Variants in NF1 observed in about 807,000 individuals in gnomAD.
The protein encoded by NF1 is neurofibromin.
In NF1, 122 loss-of-function variants were observed where a neutral mutation model predicts 325.7. The observed-to-expected ratio is 0.37, with a 90% CI of 0.32 to 0.44. The LOEUF is 0.44. Among genes scored for constraint, NF1 ranks in the 20% least tolerant of loss-of-function variants. NF1 has a pLI of 1.00. For synonymous variants in NF1, 1,091 were observed against 1,186.0 expected (o/e 0.92, Z 1.65); for missense variants, 2,140 against 3,415.4 (o/e 0.63, Z 9.31).
chr17:31,334,613 C>T (rs756866595), intron 39 of NF1: 1 of 506,650 alleles, frequency 2.0e-6, no homozygotes, highest in Non-Finnish European at 3.5e-6. Flanking sequence ...GAAAATAAGA[C>T]AAAACTTTTC....
intron 1 of NF1, among the ~76,000 whole-genome samples, chr17:31,144,141 A>G (rs933307629): frequency 2.6e-5 from 4 of 152,054 alleles, no homozygotes; most frequent in African/African-American, 9.7e-5. Context: ...GTTTTTCAAA[A>G]ATTTCTTTGG....
At chr17:31,200,335 G>A in intron 8 of NF1, 87 bp from the exon 9 acceptor site, 1 of 1,241,586 alleles carries the variant, frequency 8.1e-7, no homozygotes, top group Non-Finnish European at 1.2e-6. Context: ...ATGAGTTTTA[G>A]AGGCTGTTAA....
At chr17:31,295,746 G>C (rs1321946682) in intron 36 of NF1, 2 of 1,614,168 alleles carry the variant, frequency 1.2e-6, no homozygotes, top group Non-Finnish European at 1.7e-6. Context: ...TGCAGGTAAA[G>C]ATGTGTGAGA....
At chr17:31,277,820 A>G in intron 36 of NF1, among the ~76,000 whole-genome samples, 2 of 152,146 alleles carry the variant, frequency 1.3e-5, no homozygotes, top group East Asian at 3.8e-4. Flanking sequence ...TGCACTCACT[A>G]CTTCAGGTGT....
At chr17:31,186,921 A>G (rs1036760412) in intron 8 of NF1, among the ~76,000 whole-genome samples, 1 of 152,208 alleles carries the variant, frequency 6.6e-6, no homozygotes, top group South Asian at 2.1e-4. Flanking sequence ...TTGATATGAC[A>G]TCATTCCTCA....
Position 31,336,003 on chromosome 17 carries a change from A to T in NF1, c.6007-330A>T, listed in dbSNP as rs1597841857. 6.6e-6 allele frequency among the ~76,000 whole-genome samples: 1 copy of T among 151,936 alleles called. No individual in the cohort carries two copies. Reference sequence around the variant, plus strand: ...CACTGCACCCAGCTCTGTATTTTCAAATTACTATTTTATATTGATGCTACA... The same window carrying T: ...CACTGCACCCAGCTCTGTATTTTCATATTACTATTTTATATTGATGCTACA... On this transcript the variant is annotated intron_variant, in intron 40 of 57. Coordinates refer to ENST00000358273, the MANE Select transcript of NF1 (RefSeq NM_001042492.3). The surrounding 1 kb of genome is among the most constrained non-coding windows in gnomAD (Gnocchi z 5.5).
In NF1 at chr17:31,336,942, T is replaced by C; in HGVS notation, c.6427+28T>C. 2 of 1,600,114 alleles carry C rather than the reference T, an allele frequency of 1.2e-6. No individual in the cohort carries two copies. The highest frequency in any genetic ancestry group is 2.2e-5 in the South Asian group (2 of 90,694). On this transcript the variant is annotated intron_variant, in intron 42 of 57. Transcript: ENST00000358273. The surrounding 1 kb of genome is among the most constrained non-coding windows in gnomAD (Gnocchi z 5.5). ...AAGTTCTAGGAAAGGAATTTGTGTT[T>C]ACCAGTTCCTTTCTCCATTTTACTT... is the stretch of plus-strand genomic sequence containing the variant.
At chr17:31,109,753 A>G (rs938832498) in intron 1 of NF1, among the ~76,000 whole-genome samples, 2 of 152,100 alleles carry the variant, frequency 1.3e-5, no homozygotes, top group Non-Finnish European at 2.9e-5. Context: ...TTAATGACCT[A>G]TTGGTGCTGG....
chr17:31,186,080 G>A (rs1359656055), intron 8 of NF1, among the ~76,000 whole-genome samples: 2 of 152,064 alleles, frequency 1.3e-5, no homozygotes, highest in Non-Finnish European at 2.9e-5. Context: ...CCATCTAGCC[G>A]TAAAGTGGGT....
intron 1 of NF1, among the ~76,000 whole-genome samples, chr17:31,123,021 T>A (rs1481701579): frequency 1.3e-5 from 2 of 152,238 alleles, no homozygotes. Flanking sequence ...TGGCTTGAAT[T>A]AAGTTATAAA....
rs201550230 is a variant in NF1 at position 31,230,838 on chromosome 17, A to C, written c.3114-4A>C. ...CTGTTTCTCTTTTCTCCACCATTCT[A>C]TAGGAATAAGATGGTAGAATACCTG... is the stretch of plus-strand genomic sequence containing the variant. On this transcript the variant is annotated splice_region_variant and splice_polypyrimidine_tract_variant and intron_variant, in intron 23 of 57. Transcript: ENST00000358273. The C allele has an allele frequency of 6.3e-7, 1 of 1,586,672 alleles. No homozygotes were observed. Among genetic ancestry groups the C allele is most frequent in the Admixed American group, 1.7e-5 (1 of 59,796 alleles).
At position 31,235,629 on chromosome 17, in the gene NF1, C is replaced by A. The variant is rs750993436; in HGVS notation, c.3727C>A (p.Leu1243Met). ...TTCTCAGGATGAACTAGCTCGAGTT[C>A]TGGTTACTCTGTTTGATTCTCGGCA... The part of the protein sequence containing the change: ...CSQWDELARV[L>M]VTLFDSRHLL... Residue 1243 changes from leucine to methionine, a missense_variant, in exon 28 of 58, where the codon CTG becomes ATG. Transcript: ENST00000358273. 1 of 1,614,066 alleles carries A rather than the reference C, an allele frequency of 6.2e-7. No homozygotes were observed. Among genetic ancestry groups the A allele is most frequent in the Non-Finnish European group, 8.5e-7 (1 of 1,180,012 alleles).
chr17:31,319,735 T>C (rs2069128668), intron 36 of NF1, among the ~76,000 whole-genome samples: 1 of 146,642 alleles, frequency 6.8e-6, no homozygotes, highest in Non-Finnish European at 1.5e-5. Context: ...ATACCAGTTT[T>C]CTCAACCTAA....
intron 36 of NF1, among the ~76,000 whole-genome samples, chr17:31,287,490 T>A (rs1308510431): frequency 6.6e-6 from 1 of 151,958 alleles, no homozygotes; most frequent in Non-Finnish European, 1.5e-5. Context: ...TTTTCCTGTT[T>A]TTAGTGAGTG....
Position 31,360,636 on chromosome 17 carries a change from T to C in NF1, c.8310T>C (p.Leu2770=). The change falls in exon 57 of 58, where the codon CTT becomes CTC. Residue 2770 remains leucine (L), a synonymous_variant. Coordinates refer to ENST00000358273, the MANE Select transcript of NF1 (RefSeq NM_001042492.3). ...ACCCTCCTGCACTGCAGAGCCAGCTTAGTATCACTGCCAACCTTAACCTTT... is the reference window on the plus strand; with the variant it reads ...ACCCTCCTGCACTGCAGAGCCAGCTCAGTATCACTGCCAACCTTAACCTTT... The part of the protein sequence containing the change: ...SPYPPALQSQ[L]SITANLNLSN... 1 of 1,614,092 alleles carries C rather than the reference T, an allele frequency of 6.2e-7. No homozygotes were observed. Among genetic ancestry groups the C allele is most frequent in the Non-Finnish European group, 8.5e-7 (1 of 1,180,004 alleles).
intron 12 of NF1, among the ~76,000 whole-genome samples, chr17:31,213,777 A>C (rs369716058): frequency 6.6e-6 from 1 of 152,160 alleles, no homozygotes; most frequent in African/African-American, 2.4e-5. Context: ...AATGTTCTTC[A>C]GGCAAAATGC....
At chr17:31,239,933 T>C (rs77183608) in intron 29 of NF1, among the ~76,000 whole-genome samples, 31 of 152,168 alleles carry the variant, frequency 2.0e-4, no homozygotes, top group Non-Finnish European at 1.0e-4. Flanking sequence ...CTGGCTAATT[T>C]TTGTATTTTT....
At chr17:31,251,296 G>A in intron 30 of NF1, 1 of 208,846 alleles carries the variant, frequency 4.8e-6, no homozygotes. Context: ...GGGAAATGTT[G>A]AAAGGGAAGT....
Position 31,182,560 on chromosome 17 carries a change from A to T in NF1, c.783A>T (p.Lys261Asn), listed in dbSNP as rs2143785572. The change falls in exon 8 of 58, where the codon AAA becomes AAT. Residue 261 changes from lysine to asparagine, a missense_variant. Transcript: ENST00000358273. ...TGGATGGTTTTGCTGAAAGCACCAA[A>T]CGTAAAGCAGCAGTTTGGCCACTAC... ...DLVDGFAEST[K>N]RKAAVWPLQI... 1 of 1,614,102 alleles carries T rather than the reference A, an allele frequency of 6.2e-7. No individual in the cohort carries two copies. Among genetic ancestry groups the T allele is most frequent in the Non-Finnish European group, 8.5e-7 (1 of 1,179,956 alleles).
Sources: gnomAD v4.1 joint callset for allele counts (sites outside exome capture counted in the v4.1 genomes callset) on GRCh38, gnomAD v4.1.1 for gene constraint, Gnocchi (gnomAD v3.1) non-coding constraint, MANE v1.5 for transcripts, NCBI Gene and HGNC (gene_info 2026-07-23, HGNC 2026-07-21) for gene names.